Variants in FHIT observed in about 807,000 individuals in gnomAD.
FHIT encodes bis(5'-adenosyl)-triphosphatase.
FHIT carries 19 observed loss-of-function variants against 17.9 expected under a neutral mutation model. The observed-to-expected ratio is 1.06, with a 90% confidence interval of 0.74 to 1.56. The LOEUF is 1.56. FHIT is among the 40% of genes most tolerant of loss of function. FHIT has a pLI of 0.00. For synonymous variants in FHIT, 81 were observed against 69.7 expected (o/e 1.16, Z -0.81); for missense variants, 248 against 189.2 (o/e 1.31, Z -1.82).
intron 8 of FHIT, among the ~76,000 whole-genome samples, chr3:59,824,306 G>A (rs1293744309): frequency 6.6e-6 from 1 of 152,146 alleles, no homozygotes. Context: ...TGGGAATAGA[G>A]GCATGGACTA....
intron 3 of FHIT, among the ~76,000 whole-genome samples, chr3:60,834,763 C>T (rs1702470004): frequency 6.6e-6 from 1 of 151,730 alleles, no homozygotes; most frequent in Admixed American, 6.6e-5. Flanking sequence ...TATTCCAGAG[C>T]CTCAGGCAGG....
At chr3:60,122,925 T>C (rs1705324753) in intron 5 of FHIT, among the ~76,000 whole-genome samples, 1 of 152,190 alleles carries the variant, frequency 6.6e-6, no homozygotes, top group Admixed American at 6.5e-5. Context: ...AATGGACTGT[T>C]TTACACAAGT....
At chr3:60,135,906 A>G (rs769656662) in intron 5 of FHIT, among the ~76,000 whole-genome samples, 15 of 152,126 alleles carry the variant, frequency 9.9e-5, no homozygotes, top group Non-Finnish European at 2.1e-4. Context: ...AAATCCACCT[A>G]AACTGTCCAT....
At chr3:60,904,423 A>T (rs1706282938) in intron 3 of FHIT, among the ~76,000 whole-genome samples, 1 of 152,038 alleles carries the variant, frequency 6.6e-6, no homozygotes, top group Admixed American at 6.6e-5. Context: ...ACATGAGAGA[A>T]TTTCTGTACA....
At chr3:60,512,266 T>G (rs1212741875) in intron 5 of FHIT, among the ~76,000 whole-genome samples, 1 of 152,194 alleles carries the variant, frequency 6.6e-6, no homozygotes, top group Non-Finnish European at 1.5e-5. Context: ...TCTATTTAAT[T>G]GGCACTTTCT....
chr3:60,692,258 A>G (rs782282670), intron 4 of FHIT, among the ~76,000 whole-genome samples: 1 of 152,302 alleles, frequency 6.6e-6, no homozygotes, highest in East Asian at 1.9e-4. Context: ...TATTTCCAAA[A>G]ATATTACTGC....
intron 2 of FHIT, among the ~76,000 whole-genome samples, chr3:61,173,005 A>T (rs928472199): frequency 2.6e-5 from 4 of 152,204 alleles, no homozygotes; most frequent in Admixed American, 6.5e-5. Context: ...GGCAGCAACT[A>T]TTCTGCTCCA....
At chr3:60,071,400 C>T (rs1039753425) in intron 5 of FHIT, among the ~76,000 whole-genome samples, 2 of 152,084 alleles carry the variant, frequency 1.3e-5, no homozygotes, top group Admixed American at 6.6e-5. Flanking sequence ...ACACAAGTGG[C>T]TTGCATCATA....
chr3:61,002,748 T>G (rs1251093889), intron 3 of FHIT, among the ~76,000 whole-genome samples: 1 of 152,134 alleles, frequency 6.6e-6, no homozygotes, highest in East Asian at 1.9e-4. Context: ...TCTAGGTATT[T>G]CTTCCTTTGC....
chr3:60,860,094 A>G lies in FHIT; in HGVS notation c.-110-38083T>C, dbSNP rs577385781. On this transcript the variant is annotated intron_variant, in intron 3 of 9. Transcript: ENST00000492590. ...GATATATCTGATATATGATATATAT[A>G]TGATATATCTGATATATGATATATA... Among the ~76,000 whole-genome samples the G allele has an allele frequency of 4.9e-5, 7 of 143,174 alleles. 1 individual carries two copies. The South Asian group carries it at 1.3e-3, about 26-fold the overall frequency. 93.9% of individuals were successfully genotyped at this position (143,174 alleles called of 152,430 possible).
intron 5 of FHIT, among the ~76,000 whole-genome samples, chr3:60,481,982 T>G (rs190874824): frequency 2.0e-5 from 3 of 151,926 alleles, no homozygotes; most frequent in African/African-American, 7.2e-5. Context: ...TGGAGGAAAA[T>G]TTACCAAGCA....
intron 4 of FHIT, among the ~76,000 whole-genome samples, chr3:60,654,975 G>C (rs960733836): frequency 6.6e-6 from 1 of 152,154 alleles, no homozygotes; most frequent in African/African-American, 2.4e-5. Flanking sequence ...AAGAGACACA[G>C]GCTAGATTGA....
At chr3:61,134,091 A>T (rs1470177017) in intron 2 of FHIT, among the ~76,000 whole-genome samples, 1 of 143,724 alleles carries the variant, frequency 7.0e-6, no homozygotes, top group African/African-American at 2.6e-5. Context: ...TCTGTCTCAC[A>T]CACACACATA....
At chr3:60,030,767 G>T (rs997579691) in intron 5 of FHIT, among the ~76,000 whole-genome samples, 6 of 151,748 alleles carry the variant, frequency 4.0e-5, no homozygotes, top group Admixed American at 2.0e-4. Context: ...TGACTGGGTG[G>T]GTGGTTTGAA....
intron 5 of FHIT, among the ~76,000 whole-genome samples, chr3:60,300,321 T>G (rs1259608338): frequency 1.3e-5 from 2 of 151,810 alleles, no homozygotes; most frequent in Non-Finnish European, 2.9e-5. Flanking sequence ...AGAAGAGAAA[T>G]TAAGACCAAA....
intron 5 of FHIT, among the ~76,000 whole-genome samples, chr3:60,059,053 G>C (rs1269174469): frequency 6.6e-6 from 1 of 152,152 alleles, no homozygotes; most frequent in African/African-American, 2.4e-5. Context: ...AGGCGTGATG[G>C]GGCAGGAGAG....
intron 2 of FHIT, among the ~76,000 whole-genome samples, chr3:61,138,410 T>C (rs1177638642): frequency 2.6e-5 from 4 of 152,204 alleles, no homozygotes; most frequent in African/African-American, 9.6e-5. Flanking sequence ...AGCCACTAAC[T>C]AACCATGCAG....
At chr3:59,914,728 A>G (rs888531971) in intron 8 of FHIT, among the ~76,000 whole-genome samples, 4 of 152,070 alleles carry the variant, frequency 2.6e-5, no homozygotes, top group African/African-American at 9.7e-5. Flanking sequence ...ATTTATATTG[A>G]GGGAATCGTG....
chr3:60,935,792 G>C (rs1293827403), intron 3 of FHIT, among the ~76,000 whole-genome samples: 1 of 152,206 alleles, frequency 6.6e-6, no homozygotes, highest in Non-Finnish European at 1.5e-5. Context: ...CCTAAATAGA[G>C]AGGGGAGTCA....
Sources: gnomAD v4.1 joint callset for allele counts (sites outside exome capture counted in the v4.1 genomes callset) on GRCh38, gnomAD v4.1.1 for gene constraint, MANE v1.5 for transcripts, NCBI Gene and HGNC (gene_info 2026-07-23, HGNC 2026-07-21) for gene names.